Variants in MTUS2 observed in about 807,000 individuals in gnomAD.
The protein encoded by MTUS2 is microtubule associated scaffold protein 2.
A neutral mutation model predicts 114.1 loss-of-function variants in MTUS2; 40 were observed. The ratio of observed to expected loss-of-function variants is 0.35; its 90% CI spans 0.27 to 0.46. The LOEUF (loss-of-function observed/expected upper bound fraction) is 0.46. Among genes scored for constraint, MTUS2 ranks in the 20% least tolerant of loss-of-function variants. The pLI is 1.00. For synonymous variants in MTUS2, 688 were observed against 672.0 expected (o/e 1.02, Z -0.37); for missense variants, 1,679 against 1,705.4 (o/e 0.98, Z 0.27).
Position 29,440,034 on chromosome 13 carries a change from A to G in MTUS2, c.3169A>G (p.Ile1057Val). ...EKELSIELAN[I>V]RDEVAFHTAK... is the part of the protein sequence containing the mutation. The stretch of plus-strand genomic sequence containing the variant: ...AGAGCTGTCAATCGAACTTGCAAAC[A>G]TCAGGGATGAAGTTGGTAAGTAGGG... The change falls in exon 9 of 16, where the codon ATC becomes GTC. Residue 1057 changes from isoleucine to valine, a missense_variant. Physicochemically the swap from Ile to Val is conservative, Grantham distance 29. Around this residue, in one of 3 missense-constraint regions of MTUS2, gnomAD observed 822 missense variants for 899.7 expected, o/e 0.91. Coordinates refer to ENST00000612955, the MANE Select transcript of MTUS2 (RefSeq NM_001033602.4). 5 of 1,586,276 alleles carry G rather than the reference A, an allele frequency of 3.2e-6. No homozygotes were observed. The highest frequency in any genetic ancestry group is 1.2e-5 in the South Asian group (1 of 86,630).
In MTUS2 at chr13:28,962,438, T is replaced by A. The variant is rs191357813; in HGVS notation, c.-242-62019T>A. 9.2e-5 allele frequency among the ~76,000 whole-genome samples: 14 copies of A among 152,330 alleles called. No individual in the cohort carries two copies. The East Asian group carries it at 2.3e-3, about 25-fold the overall frequency. On this transcript the variant is annotated intron_variant, in intron 2 of 15. Coordinates refer to ENST00000612955, the MANE Select transcript of MTUS2 (RefSeq NM_001033602.4). ...TAAGTTTACTGGTATATTGGCTGTATTCTCTCCTGAATTGCAGCCTTCAAC... is the reference window on the plus strand; with the variant it reads ...TAAGTTTACTGGTATATTGGCTGTAATCTCTCCTGAATTGCAGCCTTCAAC...
chr13:28,965,440 C>T (rs976171901), intron 2 of MTUS2, among the ~76,000 whole-genome samples: 42 of 152,122 alleles, frequency 2.8e-4, no homozygotes, highest in African/African-American at 9.9e-4. Flanking sequence ...GGTTGTAACA[C>T]TGGTTATGAG....
Position 29,480,061 on chromosome 13 carries a change from C to A in MTUS2, c.3185-89C>A. ...GAGGACCTCGCCCTGTTTATTACGCCAGCCTTGATGATCTGACCATGGAGG... is the reference window on the plus strand; with the variant it reads ...GAGGACCTCGCCCTGTTTATTACGCAAGCCTTGATGATCTGACCATGGAGG... On this transcript the variant is annotated intron_variant, in intron 9 of 15. Coordinates refer to ENST00000612955, the MANE Select transcript of MTUS2 (RefSeq NM_001033602.4). The surrounding 1 kb of genome is among the most constrained non-coding windows in gnomAD (Gnocchi z 4.4). 1 of 1,348,768 alleles carries A rather than the reference C, an allele frequency of 7.4e-7. No individual in the cohort carries two copies. 83.6% of individuals were successfully genotyped at this position (1,348,768 alleles called of 1,614,324 possible).
intron 2 of MTUS2, among the ~76,000 whole-genome samples, chr13:28,845,651 G>GT (rs1210693551): frequency 1.4e-4 from 21 of 149,588 alleles, no homozygotes; most frequent in African/African-American, 4.5e-4. Flanking sequence ...TTCCCTCTCT[G>GT]TTTTGTTTGT....
intron 5 of MTUS2, among the ~76,000 whole-genome samples, chr13:29,175,703 A>G (rs948171104): frequency 2.6e-5 from 4 of 152,118 alleles, no homozygotes; most frequent in African/African-American, 9.7e-5. Context: ...CTTTGGCCTT[A>G]TGTGGATGTG....
intron 2 of MTUS2, among the ~76,000 whole-genome samples, chr13:28,887,860 G>T (rs1878682070): frequency 6.6e-6 from 1 of 152,144 alleles, no homozygotes; most frequent in African/African-American, 2.4e-5. Flanking sequence ...ATGACATCTA[G>T]ACTGCCTCTC....
rs540034453 is a variant in MTUS2, at chr13:28,830,886, C to CA, written c.-315-8885dup. On this transcript the variant is annotated intron_variant, in intron 1 of 15. Coordinates refer to ENST00000612955, the MANE Select transcript of MTUS2 (RefSeq NM_001033602.4). ...ATGATGTATTGAAAATGCTGAAAGA[C>CA]AAAAAAACTGTCAATCAAGAATTCT... 1.3e-3 allele frequency among the ~76,000 whole-genome samples: 205 copies of CA among 151,912 alleles called. 2 individuals carry two copies. The South Asian group carries it at 0.03, about 22-fold the overall frequency.
chr13:28,900,250 C>A (rs1197771570), intron 2 of MTUS2, among the ~76,000 whole-genome samples: 1 of 152,174 alleles, frequency 6.6e-6, no homozygotes. Context: ...GGCATTGATA[C>A]AATCCACTTA....
At chr13:29,035,573 C>G in intron 4 of MTUS2, among the ~76,000 whole-genome samples, 1 of 152,194 alleles carries the variant, frequency 6.6e-6, no homozygotes, top group Non-Finnish European at 1.5e-5. Flanking sequence ...TGGCAATATG[C>G]CTTATTAATT....
chr13:28,942,432 A>G (rs561762526), intron 2 of MTUS2, among the ~76,000 whole-genome samples: 1 of 152,386 alleles, frequency 6.6e-6, no homozygotes, highest in South Asian at 2.1e-4. Flanking sequence ...TATTATTTGC[A>G]TGCCTTATAG....
intron 7 of MTUS2, among the ~76,000 whole-genome samples, chr13:29,352,601 G>T (rs552483939): frequency 6.6e-6 from 1 of 152,266 alleles, no homozygotes; most frequent in South Asian, 2.1e-4. Context: ...CATGTGAATG[G>T]AATCATATGC....
At chr13:29,078,376 G>T (rs945957950) in intron 4 of MTUS2, among the ~76,000 whole-genome samples, 20 of 152,102 alleles carry the variant, frequency 1.3e-4, no homozygotes, top group African/African-American at 4.8e-4. Flanking sequence ...TCTGACACAG[G>T]CCCTTTGAAA....
intron 2 of MTUS2, among the ~76,000 whole-genome samples, chr13:28,975,249 A>G (rs929876033): frequency 6.6e-6 from 1 of 152,036 alleles, no homozygotes; most frequent in Admixed American, 6.5e-5. Flanking sequence ...TCAAAGTCTT[A>G]TTTTAAGTCT....
At chr13:28,845,120 GT>G (rs931503839) in intron 2 of MTUS2, among the ~76,000 whole-genome samples, 34 of 148,638 alleles carry the variant, frequency 2.3e-4, no homozygotes, top group African/African-American at 7.6e-4. Flanking sequence ...GGCCTGGCCA[GT>G]TTTTTTTTTA....
intron 5 of MTUS2, among the ~76,000 whole-genome samples, chr13:29,262,205 T>C (rs1897499328): frequency 6.6e-6 from 1 of 152,244 alleles, no homozygotes; most frequent in Non-Finnish European, 1.5e-5. Flanking sequence ...GCTCTGTCTT[T>C]CTTAAAGTAG....
intron 2 of MTUS2, among the ~76,000 whole-genome samples, chr13:28,862,139 G>T (rs1213402263): frequency 6.6e-6 from 1 of 152,168 alleles, no homozygotes; most frequent in African/African-American, 2.4e-5. Context: ...GCATGACAAA[G>T]GAAATAGCAC....
chr13:29,503,307 C>G lies in MTUS2; in HGVS notation c.*101C>G, dbSNP rs1420132119. 8 of 1,346,430 alleles carry G rather than the reference C, an allele frequency of 5.9e-6. No individual in the cohort carries two copies. In the East Asian group the frequency reaches 1.9e-4, roughly 33 times the overall value. 83.4% of individuals were successfully genotyped at this position (1,346,430 alleles called of 1,614,324 possible). A position where few individuals can be genotyped will look rare whatever the true frequency, so the allele number is the denominator to read the frequency against. ...CGCCGGAGCTGGCCCTGTGCGCATG[C>G]TCAGTAGCTGCGAATGCATCCTAGG... is the stretch of plus-strand genomic sequence containing the variant. On this transcript the variant is annotated 3_prime_UTR_variant, in exon 16 of 16. Transcript: ENST00000612955.
chr13:28,864,965 G>A (rs762574708), intron 2 of MTUS2, among the ~76,000 whole-genome samples: 1 of 152,116 alleles, frequency 6.6e-6, no homozygotes, highest in Non-Finnish European at 1.5e-5. Flanking sequence ...ATAGCAGCTC[G>A]CTCTTGAAGA....
intron 6 of MTUS2, among the ~76,000 whole-genome samples, chr13:29,286,836 G>A (rs933739205): frequency 1.1e-4 from 16 of 152,218 alleles, no homozygotes; most frequent in African/African-American, 3.6e-4. Flanking sequence ...GATTACAGGC[G>A]TGTACCACCA....
Sources: gnomAD v4.1 joint callset for allele counts (sites outside exome capture counted in the v4.1 genomes callset) on GRCh38, gnomAD v4.1.1 for gene constraint, gnomAD v4.1.1 regional missense constraint, Gnocchi (gnomAD v3.1) non-coding constraint, MANE v1.5 for transcripts, NCBI Gene and HGNC (gene_info 2026-07-23, HGNC 2026-07-21) for gene names.